The following SLC35B4 variants were observed in gnomAD, a reference collection of about 807,000 sequenced individuals.
SLC35B4 encodes nucleotide sugar transporter SLC35B4.
Under a neutral mutation model 39.5 loss-of-function variants are expected in SLC35B4, and 28 were observed. The ratio of observed to expected loss-of-function variants is 0.71; its 90% CI spans 0.53 to 0.97. The LOEUF is 0.97. Among genes scored for constraint, SLC35B4 ranks in the 50% least tolerant of loss-of-function variants. The pLI, the probability that SLC35B4 is intolerant of heterozygous loss-of-function variation, is 0.00. For missense variants in SLC35B4, 334 were observed against 414.3 expected (o/e 0.81, Z 1.68); for synonymous variants, 145 against 150.4 (o/e 0.96, Z 0.26).
At chr7:134,308,394 G>T (rs1046050597) in intron 2 of SLC35B4, among the ~76,000 whole-genome samples, 1 of 152,166 alleles carries the variant, frequency 6.6e-6, no homozygotes, top group Admixed American at 6.5e-5. Context: ...AGGGCCAGAG[G>T]AGTCAAGAAA....
intron 1 of SLC35B4, among the ~76,000 whole-genome samples, chr7:134,312,223 A>C (rs761019005): frequency 6.6e-6 from 1 of 152,154 alleles, no homozygotes; most frequent in Non-Finnish European, 1.5e-5. Context: ...AATGAAACTG[A>C]TTTCACTGTC....
In SLC35B4 at chr7:134,294,677, T is replaced by C; in HGVS notation, c.*156A>G. The C allele has an allele frequency of 1.2e-6, 1 of 867,086 alleles. No homozygotes were observed. Among genetic ancestry groups the C allele is most frequent in the East Asian group, 2.7e-5 (1 of 37,692 alleles). The allele number at this position is 867,086 out of a possible 1,614,324, so 53.7% of individuals were successfully genotyped here. A position where few individuals can be genotyped will look rare whatever the true frequency, so the allele number is the denominator to read the frequency against. ...TTTCTATTTAGTCTACATGTGTCAG[T>C]CTGAGCAACGTGAGAAGTCCCCTCC... On this transcript the variant is annotated 3_prime_UTR_variant, in exon 10 of 10. Coordinates refer to ENST00000378509, the MANE Select transcript of SLC35B4 (RefSeq NM_032826.5).
chr7:134,313,757 C>G, intron 1 of SLC35B4, among the ~76,000 whole-genome samples: 1 of 152,176 alleles, frequency 6.6e-6, no homozygotes, highest in East Asian at 1.9e-4. Context: ...CCAAGCCAGC[C>G]AATATAAAAA....
chr7:134,295,059 A>G lies in SLC35B4; in HGVS notation c.770T>C (p.Val257Ala). Residue 257 changes from valine (V) to alanine (A), a missense_variant, in exon 10 of 10, where the codon GTG (valine) becomes GCG (alanine). By Grantham distance (64) the Val-to-Ala change is moderately conservative. Transcript: ENST00000378509. ...GGCGCATTCTGTGGTGAGGATAAAC[A>G]CACCCCGGATGCACACGTACCTGGA... Reference protein sequence around the residue: ...IITQYVCIRGVFILTTECASL... With the variant: ...IITQYVCIRGAFILTTECASL... 6.2e-7 allele frequency: 1 copy of G among 1,614,124 alleles called. No homozygotes were observed. Among genetic ancestry groups the G allele is most frequent in the Non-Finnish European group, 8.5e-7 (1 of 1,180,026 alleles).
At chr7:134,317,794 G>T (rs1236402069), upstream of SLC35B4, among the ~76,000 whole-genome samples, 1 of 152,300 alleles carries the variant, frequency 6.6e-6, no homozygotes, top group South Asian at 2.1e-4. Flanking sequence ...ACGTACATAA[G>T]CTAGTGCGGC....
chr7:134,298,136 C>T (rs1803506599), intron 8 of SLC35B4, among the ~76,000 whole-genome samples: 1 of 152,146 alleles, frequency 6.6e-6, no homozygotes, highest in African/African-American at 2.4e-5. Context: ...CTCATATATA[C>T]ATACACACGC....
chr7:134,316,580 G>T, intron 1 of SLC35B4, 95 bp downstream of exon 1: 1 of 1,311,830 alleles, frequency 7.6e-7, no homozygotes, highest in African/African-American at 1.5e-5. Flanking sequence ...GCGGCGGGGT[G>T]GGGACAGGGC....
At chr7:134,312,686 G>C (rs1465920991) in intron 1 of SLC35B4, among the ~76,000 whole-genome samples, 1 of 152,162 alleles carries the variant, frequency 6.6e-6, no homozygotes, top group Non-Finnish European at 1.5e-5. Flanking sequence ...TTCGCTATAG[G>C]ATTTTTAAAA....
chr7:134,291,035 A>C lies in SLC35B4; in HGVS notation c.*3798T>G, dbSNP rs1245560744. The C allele has an allele frequency of 1.3e-5, 2 of 152,208 alleles. No homozygotes were observed. Among genetic ancestry groups the C allele is most frequent in the Non-Finnish European group, 2.9e-5 (2 of 68,034 alleles). The allele number at this position is 152,208 out of a possible 1,614,324, so 9.4% of individuals were successfully genotyped here. A position where few individuals can be genotyped will look rare whatever the true frequency, so the allele number is the denominator to read the frequency against. On this transcript the variant is annotated 3_prime_UTR_variant, in exon 10 of 10. Coordinates refer to ENST00000378509, the MANE Select transcript of SLC35B4 (RefSeq NM_032826.5). ...CTTCCCCTCTCCATAGGTATCTGGC[A>C]CTGTTGAGTGAAGCCAGTTAATGGG... is the stretch of plus-strand genomic sequence containing the variant.
At chr7:134,307,782 ACAC>A (rs1246673333) in intron 2 of SLC35B4, among the ~76,000 whole-genome samples, 1 of 152,224 alleles carries the variant, frequency 6.6e-6, no homozygotes, top group African/African-American at 2.4e-5. Context: ...GTGGAGCCAT[ACAC>A]CACAACAGGC....
Position 134,301,934 on chromosome 7 carries a change from C to A in SLC35B4, c.426+95G>T, listed in dbSNP as rs890137021. The A allele has an allele frequency of 8.9e-5, 134 of 1,509,380 alleles. No homozygotes were observed. In the African/African-American group the frequency reaches 1.5e-3, roughly 17 times the overall value. The allele number at this position is 1,509,380 out of a possible 1,614,324, so 93.5% of individuals were successfully genotyped here. ...TCCCTCCCCTCTTCTCTTTCAAAAT[C>A]TTTGTATTACATAAAAATTTGAATT... On this transcript the variant is annotated intron_variant, in intron 5 of 9. Coordinates refer to ENST00000378509, the MANE Select transcript of SLC35B4 (RefSeq NM_032826.5).
intron 1 of SLC35B4, among the ~76,000 whole-genome samples, chr7:134,314,629 G>C (rs1397377107): frequency 6.6e-6 from 1 of 151,952 alleles, no homozygotes; most frequent in South Asian, 2.1e-4. Context: ...TCCACCTCCC[G>C]GGTTCTAACG....
chr7:134,314,493 C>A (rs1232524255), intron 1 of SLC35B4, among the ~76,000 whole-genome samples: 1 of 152,216 alleles, frequency 6.6e-6, no homozygotes, highest in African/African-American at 2.4e-5. Context: ...TATTCCCTGA[C>A]TTTCATTTCC....
upstream of SLC35B4, among the ~76,000 whole-genome samples, chr7:134,319,853 C>T (rs758027575): frequency 6.6e-6 from 1 of 152,070 alleles, no homozygotes; most frequent in Non-Finnish European, 1.5e-5. Flanking sequence ...TCTTTATATC[C>T]CATCGGTTCC....
At chr7:134,304,740 C>G in intron 4 of SLC35B4, 65 bp downstream of exon 4, 2 of 1,284,828 alleles carry the variant, frequency 1.6e-6, no homozygotes, top group Non-Finnish European at 2.2e-6. Flanking sequence ...ATCCAGGTGA[C>G]TAGCTTATGG....
At chr7:134,304,898 GA>G (rs1464312042) in intron 3 of SLC35B4, 44 bp from the exon 4 acceptor site, 7 of 1,477,966 alleles carry the variant, frequency 4.7e-6, no homozygotes, top group Non-Finnish European at 5.7e-6. Context: ...AGTGCACTAG[GA>G]AAAAAACAAC....
chr7:134,291,893 A>T lies in SLC35B4; in HGVS notation c.*2940T>A, dbSNP rs1363203511. The T allele has an allele frequency of 4.6e-5, 7 of 152,274 alleles. No individual in the cohort carries two copies. The highest frequency in any genetic ancestry group is 1.7e-4 in the African/African-American group (7 of 41,470). The allele number at this position is 152,274 out of a possible 1,614,324, so 9.4% of individuals were successfully genotyped here. A position where few individuals can be genotyped will look rare whatever the true frequency, so the allele number is the denominator to read the frequency against. On this transcript the variant is annotated 3_prime_UTR_variant, in exon 10 of 10. Coordinates refer to ENST00000378509, the MANE Select transcript of SLC35B4 (RefSeq NM_032826.5). ...GATATGTAGACATTAAGCTAATACA[A>T]TTCAAATATCCACCATCTTCAGTTA... is the stretch of plus-strand genomic sequence containing the variant.
At chr7:134,295,341 C>T (rs1212936462) in intron 9 of SLC35B4, among the ~76,000 whole-genome samples, 2 of 152,004 alleles carry the variant, frequency 1.3e-5, no homozygotes, top group Admixed American at 6.6e-5. Context: ...CAATGACAGG[C>T]ACCTCCAAGA....
At chr7:134,296,529 G>C in intron 8 of SLC35B4, 63 bp from the exon 9 acceptor site, 1 of 1,235,830 alleles carries the variant, frequency 8.1e-7, no homozygotes, top group Non-Finnish European at 1.2e-6. Flanking sequence ...TTCATCTTTT[G>C]AACAGGGTAA....
Sources: allele counts gnomAD v4.1 joint callset (sites outside exome capture counted in the v4.1 genomes callset), GRCh38; gene constraint gnomAD v4.1.1; transcripts MANE v1.5; gene names NCBI Gene and HGNC (gene_info 2026-07-23, HGNC 2026-07-21).